The following SEMA4A variants were observed in gnomAD, a reference collection of about 807,000 sequenced individuals.
The protein encoded by SEMA4A is semaphorin 4A.
SEMA4A carries 52 observed loss-of-function variants against 72.5 expected under a neutral mutation model. The observed-to-expected ratio is 0.72, with a 90% CI of 0.57 to 0.90. The LOEUF is 0.90. SEMA4A is among the 40% of genes least tolerant of loss of function. The pLI, the probability that SEMA4A is intolerant of heterozygous loss-of-function variation, is 0.00. For missense variants in SEMA4A, 926 were observed against 959.7 expected (o/e 0.96, Z 0.46); for synonymous variants, 369 against 393.1 (o/e 0.94, Z 0.73).
intron 10 of SEMA4A, 73 bp from the exon 11 acceptor site, chr1:156,172,753 G>A (rs1654920380): frequency 7.3e-7 from 1 of 1,362,016 alleles, no homozygotes; most frequent in Non-Finnish European, 1.1e-6. Flanking sequence ...AAAGGGAGAA[G>A]AGCAGGCGTT....
chr1:156,158,919 A>T, intron 6 of SEMA4A, 95 bp downstream of exon 6: 1 of 1,106,540 alleles, frequency 9.0e-7, no homozygotes, highest in Non-Finnish European at 1.4e-6. Flanking sequence ...AAGGCAGGGG[A>T]AACTGGGTGT....
At chr1:156,176,364 A>G in intron 14 of SEMA4A, 41 bp from the exon 15 acceptor site, 4 of 1,454,132 alleles carry the variant, frequency 2.8e-6, no homozygotes, top group Non-Finnish European at 3.8e-6. Flanking sequence ...TCCATCCTTC[A>G]CTTCTCCCTT....
At position 156,176,212 on chromosome 1, in the gene SEMA4A, AGAGGTTGCAGTGAGCT is replaced by A. The variant is rs1294229977; in HGVS notation, c.1694-169_1694-154del. Among the ~76,000 whole-genome samples, 40 of 151,722 alleles carry A rather than the reference AGAGGTTGCAGTGAGCT, an allele frequency of 2.6e-4. 1 individual carries two copies. The highest frequency in any genetic ancestry group is 6.8e-3 in the Middle Eastern group (2 of 294). On this transcript the variant is annotated intron_variant, in intron 14 of 14. Coordinates refer to ENST00000368285, the MANE Select transcript of SEMA4A (RefSeq NM_022367.4). Reference sequence around the variant, plus strand: ...GAAGGATGCCTTGAGCCCAGAAGGCAGAGGTTGCAGTGAGCTGAGGTTGCAGTGAGCTGAGGTTGTG... The same window carrying A: ...GAAGGATGCCTTGAGCCCAGAAGGCAGAGGTTGCAGTGAGCTGAGGTTGTG...
intron 10 of SEMA4A, among the ~76,000 whole-genome samples, chr1:156,164,549 C>A (rs775171626): frequency 6.6e-6 from 1 of 152,118 alleles, no homozygotes; most frequent in South Asian, 2.1e-4. Flanking sequence ...CAATGCAAAT[C>A]GGCTTTCTAA....
upstream of SEMA4A, among the ~76,000 whole-genome samples, chr1:156,152,189 G>T (rs1243702612): frequency 6.6e-6 from 1 of 152,196 alleles, no homozygotes; most frequent in African/African-American, 2.4e-5. Flanking sequence ...TTGTTGGGAG[G>T]GCTAAAGCCT....
At chr1:156,156,617 G>C in intron 3 of SEMA4A, 43 bp downstream of exon 3, 2 of 1,608,748 alleles carry the variant, frequency 1.2e-6, no homozygotes, top group South Asian at 1.1e-5. Context: ...GGAGTGAAGA[G>C]GGGGCCGGCA....
intron 10 of SEMA4A, among the ~76,000 whole-genome samples, chr1:156,165,907 C>CTTTTTTTTTTTT (rs71080751): frequency 1.4e-4 from 16 of 112,918 alleles, no homozygotes; most frequent in Non-Finnish European, 2.2e-4. Flanking sequence ...TTCCTATCTT[C>CTTTTTTTTTTTT]TTTTTTTTTT....
chr1:156,159,100 G>A lies in SEMA4A; in HGVS notation c.568+276G>A, dbSNP rs1006700889. 16 of 452,796 alleles carry A rather than the reference G, an allele frequency of 3.5e-5. No homozygotes were observed. In the Admixed American group the frequency reaches 5.8e-4, roughly 16 times the overall value. The allele number at this position is 452,796 out of a possible 1,614,324, so 28.0% of individuals were successfully genotyped here. On this transcript the variant is annotated intron_variant, in intron 6 of 14. Transcript: ENST00000368285. ...TAGCAGTCTAGCAGTTTGGGAGGCTGAGGTGGGTGGATCATGTGACCCCAG... is the reference window on the plus strand; with the variant it reads ...TAGCAGTCTAGCAGTTTGGGAGGCTAAGGTGGGTGGATCATGTGACCCCAG...
Position 156,175,621 on chromosome 1 carries a change from G to A in SEMA4A, c.1658G>A (p.Ser553Asn), listed in dbSNP as rs779161541. Residue 553 changes from serine (S) to asparagine (N), a missense_variant, in exon 14 of 15, where the codon AGC becomes AAC. Ser to Asn is a conservative substitution (Grantham distance 46, BLOSUM62 1). Transcript: ENST00000368285. ...TGGGCATGTGCCAGTGGCCCCATGA[G>A]CAGGAGCCTTCGGCCTCAGAGCCGC... ...PEWACASGPM[S>N]RSLRPQSRPQ... is the part of the protein sequence containing the mutation. 3 of 1,612,510 alleles carry A rather than the reference G, an allele frequency of 1.9e-6. No homozygotes were observed. Among genetic ancestry groups the A allele is most frequent in the Non-Finnish European group, 2.5e-6 (3 of 1,179,328 alleles).
intron 14 of SEMA4A, 26 bp from the exon 15 acceptor site, chr1:156,176,379 C>T (rs1248325085): frequency 6.5e-7 from 1 of 1,549,742 alleles, no homozygotes; most frequent in South Asian, 1.1e-5. Flanking sequence ...TCCCTTAACC[C>T]TTTTGCTCCT....
intron 13 of SEMA4A, 128 bp downstream of exon 13, chr1:156,175,371 G>T: frequency 7.8e-7 from 1 of 1,277,116 alleles, no homozygotes; most frequent in East Asian, 2.3e-5. Context: ...CCATCCTGCA[G>T]TGGGTTCCTC....
At position 156,154,662 on chromosome 1, in the gene SEMA4A, G is replaced by A. The variant is rs149711133; in HGVS notation, c.84G>A (p.Thr28=). ...AACTGCTTCAGCTGCTGCTGCCGACGACGACCGCGGGGGGAGGCGGGCAGG... is the reference window on the plus strand; with the variant it reads ...AACTGCTTCAGCTGCTGCTGCCGACAACGACCGCGGGGGGAGGCGGGCAGG... The part of the protein sequence containing the change: ...LFQLLQLLLP[T]TTAGGGGQGP... Residue 28 remains threonine, a synonymous_variant, in exon 2 of 15, where the codon ACG becomes ACA. Transcript: ENST00000368285. 550 of 1,604,252 alleles carry A rather than the reference G, an allele frequency of 3.4e-4. 3 individuals carry two copies. Among genetic ancestry groups the A allele is most frequent in the Admixed American group, 2.8e-3 (165 of 58,074 alleles).
At chr1:156,160,303 G>A (rs2102954039) in intron 6 of SEMA4A, 140 bp from the exon 7 acceptor site, 1 of 728,514 alleles carries the variant, frequency 1.4e-6, no homozygotes, top group South Asian at 1.4e-5. Flanking sequence ...GCTGGCCTTT[G>A]AGGCTCCCCA....
chr1:156,162,854 T>C lies in SEMA4A; in HGVS notation c.984-90T>C, dbSNP rs1485521862. On this transcript the variant is annotated intron_variant, in intron 9 of 14. Transcript: ENST00000368285. ...TGGCCCAGCTCTCCACACTCTTGCC[T>C]CCTGGGTTTTCTCACTGAGGGCCAG... is the stretch of plus-strand genomic sequence containing the variant. 1.9e-6 allele frequency: 3 copies of C among 1,546,506 alleles called. No homozygotes were observed. The Admixed American group carries it at 5.0e-5, about 26-fold the overall frequency.
At chr1:156,152,708 C>G (rs1029445115), upstream of SEMA4A, among the ~76,000 whole-genome samples, 1 of 152,186 alleles carries the variant, frequency 6.6e-6, no homozygotes. Flanking sequence ...GCTGTAACAT[C>G]CCCCATGTTG....
intron 6 of SEMA4A, chr1:156,159,030 TCAA>T: frequency 4.2e-5 from 8 of 190,238 alleles, no homozygotes; most frequent in Admixed American, 1.8e-4. Context: ...CGAGATCGTC[TCAA>T]AAAAAAAAAA....
At position 156,177,695 on chromosome 1, in the gene SEMA4A, A is replaced by G. The variant is rs1446470486; in HGVS notation, c.*698A>G. The G allele has an allele frequency of 6.4e-6, 1 of 155,492 alleles. No individual in the cohort carries two copies. The highest frequency in any genetic ancestry group is 1.4e-5 in the Non-Finnish European group (1 of 69,944). 9.6% of individuals were successfully genotyped at this position (155,492 alleles called of 1,614,324 possible). A position where few individuals can be genotyped will look rare whatever the true frequency, so the allele number is the denominator to read the frequency against. On this transcript the variant is annotated 3_prime_UTR_variant, in exon 15 of 15. Coordinates refer to ENST00000368285, the MANE Select transcript of SEMA4A (RefSeq NM_022367.4). Reference sequence around the variant, plus strand: ...CCTTTTCCTTTGTTTTGGGATTCAGAAAACTGCTTGTCAGAGACTGTTTAT... The same window carrying G: ...CCTTTTCCTTTGTTTTGGGATTCAGGAAACTGCTTGTCAGAGACTGTTTAT...
In SEMA4A at chr1:156,176,449, T is replaced by A. The variant is rs770690476; in HGVS notation, c.1738T>A (p.Cys580Ser). ...AVPNSILELP[C>S]PHLSALASYY... ...CCCCAACTCCATCCTGGAGCTCCCC[T>A]GCCCCCACCTGTCAGCCTTGGCCTC... The change falls in exon 15 of 15, where the codon TGC becomes AGC. Residue 580 changes from cysteine to serine, a missense_variant. Physicochemically the swap from Cys to Ser is moderately radical, Grantham distance 112. Coordinates refer to ENST00000368285, the MANE Select transcript of SEMA4A (RefSeq NM_022367.4). 2.5e-6 allele frequency: 4 copies of A among 1,614,176 alleles called. No homozygotes were observed. Among genetic ancestry groups the A allele is most frequent in the Non-Finnish European group, 3.4e-6 (4 of 1,180,018 alleles).
At chr1:156,151,146 C>T (rs1189821723), upstream of SEMA4A, among the ~76,000 whole-genome samples, 1 of 152,224 alleles carries the variant, frequency 6.6e-6, no homozygotes, top group Non-Finnish European at 1.5e-5. Flanking sequence ...GCAGGACCTG[C>T]TATATTATTT....
Sources: allele counts gnomAD v4.1 joint callset (sites outside exome capture counted in the v4.1 genomes callset), GRCh38; gene constraint gnomAD v4.1.1; transcripts MANE v1.5; gene names NCBI Gene and HGNC (gene_info 2026-07-23, HGNC 2026-07-21).